EP300: variants seen among roughly 807,000 people sequenced by gnomAD.
The protein encoded by EP300 is histone acetyltransferase p300.
EP300 carries 31 observed loss-of-function variants against 264.0 expected under a neutral mutation model. That is an observed-to-expected ratio of 0.12 (90% confidence interval 0.09 to 0.16). The LOEUF is 0.16. Among genes scored for constraint, EP300 ranks in the 10% least tolerant of loss-of-function variants. EP300 has a pLI of 1.00. For missense variants in EP300, 2,766 were observed against 3,052.9 expected (o/e 0.91, Z 2.21); for synonymous variants, 1,340 against 1,045.4 (o/e 1.28, Z -5.44).
intron 4 of EP300, among the ~76,000 whole-genome samples, chr22:41,128,742 A>C (rs2058898242): frequency 6.6e-6 from 1 of 151,948 alleles, no homozygotes; most frequent in Admixed American, 6.5e-5. Flanking sequence ...CAATCTCCTG[A>C]CCTTGTGGTC....
intron 27 of EP300, among the ~76,000 whole-genome samples, chr22:41,171,455 G>C (rs2059170358): frequency 6.6e-6 from 1 of 152,036 alleles, no homozygotes; most frequent in South Asian, 2.1e-4. Flanking sequence ...TCCCATCTCA[G>C]CTTCCTGAGT....
Position 41,178,560 on chromosome 22 carries a change from T to G in EP300, c.6849T>G (p.His2283Gln). ...CCAACCCCATGAGCCCCCAGCAGCA[T>G]ATGCTCCCAAATCAGGCCCAGTCCC... is the stretch of plus-strand genomic sequence containing the variant. ...VQPNPMSPQQ[H>Q]MLPNQAQSPH... Residue 2283 changes from histidine to glutamine, a missense_variant, in exon 31 of 31, where the codon CAT (histidine) becomes CAG (glutamine). By Grantham distance (24) the His-to-Gln change is conservative (BLOSUM62 0). Transcript: ENST00000263253. The G allele has an allele frequency of 6.2e-7, 1 of 1,614,082 alleles. No homozygotes were observed. Among genetic ancestry groups the G allele is most frequent in the Non-Finnish European group, 8.5e-7 (1 of 1,180,012 alleles).
chr22:41,114,310 T>A (rs1276287389), intron 1 of EP300, among the ~76,000 whole-genome samples: 3 of 152,178 alleles, frequency 2.0e-5, no homozygotes, highest in African/African-American at 7.2e-5. Flanking sequence ...GCCTCCCTAG[T>A]AGCTGAGACC....
intron 27 of EP300, among the ~76,000 whole-genome samples, chr22:41,171,734 C>T (rs1164343554): frequency 1.3e-5 from 2 of 151,552 alleles, no homozygotes; most frequent in Non-Finnish European, 2.9e-5. Flanking sequence ...ACCTCAGCCT[C>T]CCGAGTAGCT....
intron 30 of EP300, 27 bp from the exon 31 acceptor site, chr22:41,176,746 T>A (rs1217405544): frequency 2.0e-5 from 33 of 1,613,736 alleles, no homozygotes; most frequent in Non-Finnish European, 2.7e-5. Context: ...TTGGAGAGTT[T>A]ACGTGCACCT....
chr22:41,161,918 T>C (rs1044405640), intron 20 of EP300, among the ~76,000 whole-genome samples: 3 of 152,186 alleles, frequency 2.0e-5, no homozygotes, highest in Non-Finnish European at 4.4e-5. Flanking sequence ...ATTTTGACAT[T>C]TGGTTAAGCC....
Position 41,140,225 on chromosome 22 carries a change from G to C in EP300, c.1846G>C (p.Glu616Gln). 1 of 1,613,564 alleles carries C rather than the reference G, an allele frequency of 6.2e-7. No homozygotes were observed. Among genetic ancestry groups the C allele is most frequent in the Non-Finnish European group, 8.5e-7 (1 of 1,179,444 alleles). ...ENLVAYARKV[E>Q]GDMYESANNR... ...CCTAGTTGCATATGCTCGGAAAGTT[G>C]AAGGGGACATGTATGAATCTGCAAA... The change falls in exon 9 of 31, where the codon GAA becomes CAA. Residue 616 changes from glutamate (E) to glutamine (Q), a missense_variant. Transcript: ENST00000263253.
rs750777340 is a variant in EP300, at chr22:41,157,349, G to A, written c.3442G>A (p.Val1148Ile). 1 of 1,614,094 alleles carries A rather than the reference G, an allele frequency of 6.2e-7. No homozygotes were observed. The change falls in exon 18 of 31, where the codon GTC (valine) becomes ATC (isoleucine). Residue 1148 changes from valine (V) to isoleucine (I), a missense_variant. Val to Ile is a conservative substitution (Grantham distance 29). Transcript: ENST00000263253. ...CAAATACTGCTCCAAGCTCTCTGAG[G>A]TCTTTGAACAAGAAATTGACCCAGT... The part of the protein sequence containing the change: ...VYKYCSKLSE[V>I]FEQEIDPVMQ...
intron 12 of EP300, among the ~76,000 whole-genome samples, chr22:41,148,290 T>C (rs933986727): frequency 6.6e-6 from 1 of 152,230 alleles, no homozygotes; most frequent in African/African-American, 2.4e-5. Flanking sequence ...AGGCTTCTCC[T>C]GCTCCTTATG....
chr22:41,157,147 T>A (rs371070224), intron 17 of EP300, 22 bp from the exon 18 acceptor site: 1 of 1,613,822 alleles, frequency 6.2e-7, no homozygotes, highest in Non-Finnish European at 8.5e-7. Flanking sequence ...TGAGTAATGT[T>A]TGATGTCACT....
intron 1 of EP300, among the ~76,000 whole-genome samples, chr22:41,093,469 T>A (rs2058685433): frequency 6.6e-6 from 1 of 152,230 alleles, no homozygotes. Context: ...CAAATGAATT[T>A]CGAATCCTTT....
At chr22:41,130,631 C>G (rs924369301) in intron 5 of EP300, among the ~76,000 whole-genome samples, 2 of 152,040 alleles carry the variant, frequency 1.3e-5, no homozygotes, top group Non-Finnish European at 2.9e-5. Context: ...ATACAAACAG[C>G]AATAGGTAAA....
chr22:41,135,515 C>G (rs1309157580), intron 6 of EP300, among the ~76,000 whole-genome samples: 1 of 151,332 alleles, frequency 6.6e-6, no homozygotes, highest in Admixed American at 6.6e-5. Context: ...CTTCTGGTCT[C>G]CTGAAGTGCT....
intron 27 of EP300, among the ~76,000 whole-genome samples, chr22:41,171,989 A>G (rs374134151): frequency 9.2e-5 from 14 of 152,304 alleles, no homozygotes; most frequent in African/African-American, 2.6e-4. Context: ...TGTCTTCCTC[A>G]ATTTAGTAGT....
At chr22:41,115,920 A>G (rs2058818395) in intron 1 of EP300, among the ~76,000 whole-genome samples, 1 of 152,216 alleles carries the variant, frequency 6.6e-6, no homozygotes, top group Admixed American at 6.5e-5. Context: ...ACTGGAGCAC[A>G]CACTGAGTGT....
chr22:41,173,892 A>G, intron 29 of EP300, 108 bp downstream of exon 29: 2 of 1,331,394 alleles, frequency 1.5e-6, no homozygotes, highest in Non-Finnish European at 2.2e-6. Flanking sequence ...CGGGTGGATC[A>G]CCTGAGGTCA....
chr22:41,174,544 T>C (rs1176392577), intron 29 of EP300: 1 of 152,186 alleles, frequency 6.6e-6, no homozygotes. Context: ...CATTGTTTAG[T>C]TGTTCTTGCA....
At chr22:41,108,941 G>GAT in intron 1 of EP300, among the ~76,000 whole-genome samples, 1 of 152,276 alleles carries the variant, frequency 6.6e-6, no homozygotes, top group East Asian at 1.9e-4. Context: ...GGCAAAAGTA[G>GAT]ATAAATATCT....
intron 14 of EP300, among the ~76,000 whole-genome samples, chr22:41,150,673 G>T (rs1031875866): frequency 3.3e-5 from 5 of 152,032 alleles, no homozygotes; most frequent in Non-Finnish European, 7.4e-5. Flanking sequence ...CAGATCACTT[G>T]AGGTCAGGAG....
Sources: allele counts gnomAD v4.1 joint callset (sites outside exome capture counted in the v4.1 genomes callset), GRCh38; gene constraint gnomAD v4.1.1; transcripts MANE v1.5; gene names NCBI Gene and HGNC (gene_info 2026-07-23, HGNC 2026-07-21).